MGAM: variants seen among roughly 807,000 people sequenced by gnomAD.
The protein encoded by MGAM is maltase-glucoamylase.
In MGAM, 253 loss-of-function variants were observed where a neutral mutation model predicts 358.8. The observed-to-expected ratio is 0.71, with a 90% confidence interval of 0.64 to 0.78. The LOEUF is 0.78. Among genes scored for constraint, MGAM ranks in the 30% least tolerant of loss-of-function variants. The probability of loss-of-function intolerance (pLI) is 0.00; values close to 1 mark genes in which losing one functional copy is unlikely to be tolerated. For synonymous variants in MGAM, 1,105 were observed against 1,227.1 expected, an observed-to-expected ratio of 0.90 and a Z score of 2.08; for missense variants, 3,080 against 3,432.6, an observed-to-expected ratio of 0.90 and a Z score of 2.57.
Position 142,091,127 on chromosome 7 carries a change from A to T in MGAM, c.6811-786A>T, listed in dbSNP as rs780326707. On this transcript the variant is annotated intron_variant, in intron 57 of 70. Transcript: ENST00000475668. ...CCAGGTGTAGTGGTGTGTGCCTGTA[A>T]TCCCAGCTACTCAGGAGGCTGAGGC... Among the ~76,000 whole-genome samples the T allele has an allele frequency of 8.3e-5, 12 of 144,338 alleles. 2 individuals are homozygous for T. The highest frequency in any genetic ancestry group is 1.9e-4 in the Non-Finnish European group (12 of 63,818). The allele number at this position is 144,338 out of a possible 152,430, so 94.7% of individuals were successfully genotyped here.
At position 142,041,906 on chromosome 7, in the gene MGAM, T is replaced by A. The variant is rs1218771767; in HGVS notation, c.2498+1060T>A. ...TACGTATAATATATAATATATATAT[T>A]ATATATATACGTATAATATATAATA... On this transcript the variant is annotated intron_variant, in intron 21 of 70. Transcript: ENST00000475668. Among the ~76,000 whole-genome samples, 131 of 20,252 alleles carry A rather than the reference T, an allele frequency of 6.5e-3. 5 individuals are homozygous for A. The highest frequency in any genetic ancestry group is 0.011 in the Admixed American group (10 of 944). 13.3% of individuals were successfully genotyped at this position (20,252 alleles called of 152,430 possible).
rs188498965 is a variant in MGAM at position 142,092,596 on chromosome 7, C to A, written c.7021C>A (p.Pro2341Thr). Residue 2341 changes from proline to threonine, a missense_variant, in exon 59 of 71, where the codon CCC (proline) becomes ACC (threonine). Pro to Thr is a conservative substitution (Grantham distance 38). This residue lies in a region of MGAM where 932 missense variants were observed against 1,198.2 expected (regional missense o/e 0.78). Transcript: ENST00000475668. ...GCRDASLNHP[P>T]YMPYLESRDR... ...CAGGGATGCCTCTCTGAACCACCCT[C>A]CCTACATGCCGTGTAAGAATCCTTG... The A allele has an allele frequency of 5.8e-6, 9 of 1,540,076 alleles. 2 individuals carry two copies. Among genetic ancestry groups the A allele is most frequent in the Non-Finnish European group, 8.0e-6 (9 of 1,123,576 alleles).
intron 16 of MGAM, 79 bp downstream of exon 16, chr7:142,034,920 C>T (rs1807850625): frequency 1.5e-6 from 2 of 1,365,694 alleles, no homozygotes. Context: ...AACCACAAAG[C>T]TCCCCTCTCC....
chr7:142,084,794 A>C (rs1241841014), intron 54 of MGAM, 150 bp downstream of exon 54: 1 of 1,108,940 alleles, frequency 9.0e-7, no homozygotes. Context: ...GCACAGTAAT[A>C]GAGGTAAGGG....
In MGAM at chr7:142,070,016, A is replaced by G. The variant is rs148335293; in HGVS notation, c.5062-978A>G. Among the ~76,000 whole-genome samples the G allele has an allele frequency of 9.8e-4, 141 of 144,482 alleles. 25 individuals are homozygous for G. In the East Asian group the frequency reaches 0.023, roughly 24 times the overall value. The allele number at this position is 144,482 out of a possible 152,430, so 94.8% of individuals were successfully genotyped here. On this transcript the variant is annotated intron_variant, in intron 43 of 70. Coordinates refer to ENST00000475668, the MANE Select transcript of MGAM (RefSeq NM_001365693.1). ...AGACCATCCTAGCTAACACGGTGAAACCCCATCTCTATGAAAAATAAAAAC... is the reference window on the plus strand; with the variant it reads ...AGACCATCCTAGCTAACACGGTGAAGCCCCATCTCTATGAAAAATAAAAAC...
chr7:142,010,340 C>T (rs1476519422), intron 3 of MGAM, among the ~76,000 whole-genome samples: 1 of 152,128 alleles, frequency 6.6e-6, no homozygotes, highest in East Asian at 1.9e-4. Context: ...ATCAGCTGAA[C>T]TCGTTACCTC....
intron 3 of MGAM, among the ~76,000 whole-genome samples, chr7:142,012,923 C>T (rs1167097743): frequency 1.3e-5 from 2 of 152,104 alleles, no homozygotes; most frequent in Admixed American, 1.3e-4. Context: ...TGGCTCAGTG[C>T]TGCAAGAGAC....
intron 57 of MGAM, among the ~76,000 whole-genome samples, chr7:142,090,937 T>G (rs1489344844): frequency 6.8e-6 from 1 of 146,290 alleles, no homozygotes; most frequent in African/African-American, 2.4e-5. Context: ...CTCTCAAAAG[T>G]CTACAATGTA....
intron 24 of MGAM, 94 bp downstream of exon 24, chr7:142,050,958 CA>C (rs1473176063): frequency 1.6e-5 from 25 of 1,554,498 alleles, no homozygotes; most frequent in Non-Finnish European, 2.1e-5. Flanking sequence ...CCTGAAGGAC[CA>C]GGGCACCTTT....
At position 142,044,178 on chromosome 7, in the gene MGAM, C is replaced by T. The variant is rs1365004946; in HGVS notation, c.2498+3332C>T. Reference sequence around the variant, plus strand: ...CGACGTATAATATATACATTATATACACATACGACATATAATATATAATAT... The same window carrying T: ...CGACGTATAATATATACATTATATATACATACGACATATAATATATAATAT... On this transcript the variant is annotated intron_variant, in intron 21 of 70. Transcript: ENST00000475668. 5.1e-5 allele frequency among the ~76,000 whole-genome samples: 7 copies of T among 136,950 alleles called. 1 individual carries two copies. The highest frequency in any genetic ancestry group is 1.9e-4 in the African/African-American group (7 of 37,804). The allele number at this position is 136,950 out of a possible 152,430, so 89.8% of individuals were successfully genotyped here. A position where few individuals can be genotyped will look rare whatever the true frequency, so the allele number is the denominator to read the frequency against.
In MGAM at chr7:142,064,392, T is replaced by C; in HGVS notation, c.4354T>C (p.Ser1452Pro). 3.1e-6 allele frequency: 5 copies of C among 1,607,978 alleles called. No homozygotes were observed. The highest frequency in any genetic ancestry group is 4.2e-6 in the Non-Finnish European group (5 of 1,177,370). ...NHPPYMPHLESRDRGLSSKTL... is the reference protein window; with the variant it reads ...NHPPYMPHLEPRDRGLSSKTL... ...CAGTTCTTCCTCCTCAGATTTGGAGTCCAGGGACAGGGGCCTGAGCAGCAA... is the reference window on the plus strand; with the variant it reads ...CAGTTCTTCCTCCTCAGATTTGGAGCCCAGGGACAGGGGCCTGAGCAGCAA... Residue 1452 changes from serine (S) to proline (P), a missense_variant, in exon 37 of 71, where the codon TCC becomes CCC. Around this residue, in one of 5 missense-constraint regions of MGAM, gnomAD observed 1,816 missense variants for 1,840.5 expected, o/e 0.99. Coordinates refer to ENST00000475668, the MANE Select transcript of MGAM (RefSeq NM_001365693.1).
Position 142,065,503 on chromosome 7 carries a change from G to C in MGAM, c.4618+35G>C, listed in dbSNP as rs367642232. 2.2e-5 allele frequency: 35 copies of C among 1,613,786 alleles called. 1 individual carries two copies. Among genetic ancestry groups the C allele is most frequent in the Non-Finnish European group, 2.9e-5 (34 of 1,179,844 alleles). Reference sequence around the variant, plus strand: ...TCCTTCCCCAGGGCCTTTGCCGACAGGGCAGGGAGTTGGGATCCTTAGGGA... The same window carrying C: ...TCCTTCCCCAGGGCCTTTGCCGACACGGCAGGGAGTTGGGATCCTTAGGGA... On this transcript the variant is annotated intron_variant, in intron 38 of 70. Transcript: ENST00000475668.
At chr7:142,065,068 T>A (rs1166619676) in intron 37 of MGAM, among the ~76,000 whole-genome samples, 2 of 152,130 alleles carry the variant, frequency 1.3e-5, no homozygotes, top group African/African-American at 4.8e-5. Context: ...GAGGAAACCA[T>A]TAGCAAGACA....
chr7:142,083,547 G>A, intron 53 of MGAM, 134 bp downstream of exon 53: 1 of 711,518 alleles, frequency 1.4e-6, no homozygotes, highest in South Asian at 2.3e-5. Context: ...ATAGAATAAG[G>A]AAAAATAAAT....
intron 3 of MGAM, among the ~76,000 whole-genome samples, chr7:142,016,400 T>G (rs137883084): frequency 4.6e-5 from 7 of 152,240 alleles, no homozygotes; most frequent in Admixed American, 2.6e-4. Flanking sequence ...TATTCTGTTA[T>G]GTACTATCTC....
intron 1 of MGAM, among the ~76,000 whole-genome samples, chr7:141,997,624 T>C (rs966641122): frequency 4.6e-5 from 7 of 152,294 alleles, no homozygotes; most frequent in Admixed American, 2.6e-4. Context: ...GTTGCTGGGC[T>C]CAAGGAGGAG....
In MGAM at chr7:142,056,015, T is replaced by C. The variant is rs537830668; in HGVS notation, c.3499T>C (p.Tyr1167His). Residue 1167 changes from tyrosine (Y) to histidine (H), a missense_variant, in exon 29 of 71, where the codon TAT becomes CAT. Around this residue, in one of 5 missense-constraint regions of MGAM, gnomAD observed 1,816 missense variants for 1,840.5 expected, o/e 0.99. Transcript: ENST00000475668. ...DQPPGYKKNS[Y>H]GVHPYYMGLE... Reference sequence around the variant, plus strand: ...GACTCCCCAGTACAAGAAGAATTCCTATGGTGTCCACCCCTACTACATGGG... The same window carrying C: ...GACTCCCCAGTACAAGAAGAATTCCCATGGTGTCCACCCCTACTACATGGG... The C allele has an allele frequency of 8.7e-6, 14 of 1,611,534 alleles. No individual in the cohort carries two copies. The highest frequency in any genetic ancestry group is 1.1e-5 in the South Asian group (1 of 90,390).
chr7:142,060,519 T>G, intron 34 of MGAM, 146 bp downstream of exon 34: 1 of 922,772 alleles, frequency 1.1e-6, no homozygotes, highest in East Asian at 2.6e-5. Context: ...TCATTCTGTA[T>G]GCCTATTACT....
At chr7:142,054,320 G>T (rs537031375) in intron 26 of MGAM, among the ~76,000 whole-genome samples, 1 of 152,262 alleles carries the variant, frequency 6.6e-6, no homozygotes, top group East Asian at 1.9e-4. Flanking sequence ...GGATGTAGTA[G>T]GTACTCATGA....
Sources: gnomAD v4.1 joint callset for allele counts (sites outside exome capture counted in the v4.1 genomes callset) on GRCh38, gnomAD v4.1.1 for gene constraint, gnomAD v4.1.1 regional missense constraint, MANE v1.5 for transcripts, NCBI Gene and HGNC (gene_info 2026-07-23, HGNC 2026-07-21) for gene names.